EPHA5: variants seen among roughly 807,000 people sequenced by gnomAD.
EPHA5 encodes the protein EPH receptor A5, also known as ephrin type-A receptor 5.
Under a neutral mutation model 105.0 loss-of-function variants are expected in EPHA5, and 60 were observed. That is an observed-to-expected ratio of 0.57 (90% CI 0.46 to 0.71). EPHA5 has a LOEUF of 0.71. EPHA5 is among the 30% of genes least tolerant of loss of function. EPHA5 has a pLI of 0.00. For missense variants in EPHA5, 1,218 were observed against 1,274.7 expected, an observed-to-expected ratio of 0.96 and a Z score of 0.68; for synonymous variants, 513 against 449.1, an observed-to-expected ratio of 1.14 and a Z score of -1.80.
chr4:65,548,940 G>T (rs921485921), intron 3 of EPHA5, among the ~76,000 whole-genome samples: 1 of 152,170 alleles, frequency 6.6e-6, no homozygotes, highest in East Asian at 1.9e-4. Context: ...TAGCGCTAAT[G>T]CTGTAAAAAA....
intron 3 of EPHA5, among the ~76,000 whole-genome samples, chr4:65,589,152 G>A (rs1172343512): frequency 6.6e-6 from 1 of 152,020 alleles, no homozygotes; most frequent in Non-Finnish European, 1.5e-5. Flanking sequence ...TGTACTGAGA[G>A]CAATAACCAC....
intron 5 of EPHA5, among the ~76,000 whole-genome samples, chr4:65,462,791 A>G (rs1005127309): frequency 6.6e-6 from 1 of 152,188 alleles, no homozygotes; most frequent in Admixed American, 6.5e-5. Context: ...GGCCAGCCCA[A>G]ATTCAGGGTT....
At chr4:65,653,813 G>T (rs1748823243) in intron 1 of EPHA5, among the ~76,000 whole-genome samples, 1 of 152,052 alleles carries the variant, frequency 6.6e-6, no homozygotes, top group South Asian at 2.1e-4. Flanking sequence ...GGCAGACGTT[G>T]TTTTATGCTT....
chr4:65,464,389 A>G (rs1346577777), intron 5 of EPHA5, among the ~76,000 whole-genome samples: 1 of 152,084 alleles, frequency 6.6e-6, no homozygotes, highest in Non-Finnish European at 1.5e-5. Context: ...CAGGAGATTG[A>G]TAAGGCAACA....
chr4:65,478,980 T>G (rs1730096778), intron 5 of EPHA5, among the ~76,000 whole-genome samples: 1 of 152,172 alleles, frequency 6.6e-6, no homozygotes, highest in Non-Finnish European at 1.5e-5. Context: ...TACACATTAT[T>G]TTTTGCTTTT....
chr4:65,591,495 CATACTCATTTCTCAGA>C, intron 3 of EPHA5, among the ~76,000 whole-genome samples: 1 of 152,004 alleles, frequency 6.6e-6, no homozygotes, highest in South Asian at 2.1e-4. Context: ...ATCTTTATTT[CATACTCATTTCTCAGA>C]ATTAGTTTTG....
intron 5 of EPHA5, among the ~76,000 whole-genome samples, chr4:65,481,345 A>G (rs1730345442): frequency 1.3e-5 from 2 of 152,184 alleles, no homozygotes; most frequent in African/African-American, 4.8e-5. Flanking sequence ...TTGCCTTTTG[A>G]GAAAATGAGA....
chr4:65,528,960 A>G (rs1185002440), intron 3 of EPHA5, among the ~76,000 whole-genome samples: 1 of 152,186 alleles, frequency 6.6e-6, no homozygotes, highest in Non-Finnish European at 1.5e-5. Flanking sequence ...AATGTCAGTG[A>G]TAAACAGCTA....
intron 8 of EPHA5, among the ~76,000 whole-genome samples, chr4:65,379,655 C>A (rs960514105): frequency 6.6e-6 from 1 of 151,448 alleles, no homozygotes; most frequent in African/African-American, 2.4e-5. Context: ...TTATCATAAT[C>A]GATGTGACAG....
intron 3 of EPHA5, among the ~76,000 whole-genome samples, chr4:65,582,406 C>T (rs1741713760): frequency 6.6e-6 from 1 of 150,500 alleles, no homozygotes; most frequent in Non-Finnish European, 1.5e-5. Context: ...CATAAAATAT[C>T]TTGTTTTCCT....
At chr4:65,441,644 A>T (rs1016102796) in intron 5 of EPHA5, among the ~76,000 whole-genome samples, 1 of 152,142 alleles carries the variant, frequency 6.6e-6, no homozygotes, top group Non-Finnish European at 1.5e-5. Flanking sequence ...ATTCTATGGA[A>T]TGCACTACAA....
At chr4:65,499,715 C>T (rs1457797885) in intron 3 of EPHA5, among the ~76,000 whole-genome samples, 1 of 151,556 alleles carries the variant, frequency 6.6e-6, no homozygotes, top group Admixed American at 6.6e-5. Context: ...TACTCATTGT[C>T]TCCATCCATC....
At chr4:65,380,388 T>C (rs2148928197) in intron 8 of EPHA5, among the ~76,000 whole-genome samples, 1 of 151,906 alleles carries the variant, frequency 6.6e-6, no homozygotes, top group Admixed American at 6.6e-5. Context: ...AGTCAGCTCT[T>C]ACACAGAGTT....
intron 5 of EPHA5, among the ~76,000 whole-genome samples, chr4:65,463,093 G>T (rs1358033853): frequency 6.6e-6 from 1 of 152,132 alleles, no homozygotes; most frequent in African/African-American, 2.4e-5. Context: ...ATAAGTATTG[G>T]TCTATATTAA....
At chr4:65,525,587 C>T (rs994225060) in intron 3 of EPHA5, among the ~76,000 whole-genome samples, 6 of 151,828 alleles carry the variant, frequency 4.0e-5, no homozygotes, top group Non-Finnish European at 5.9e-5. Context: ...TTACTAGACT[C>T]AAAAGAGCAG....
At chr4:65,584,900 G>GT (rs1432289240) in intron 3 of EPHA5, among the ~76,000 whole-genome samples, 1 of 151,712 alleles carries the variant, frequency 6.6e-6, no homozygotes, top group Non-Finnish European at 1.5e-5. Context: ...CTTTTTAACT[G>GT]TTTTTTAAAT....
At chr4:65,609,211 A>C (rs1293277076) in intron 2 of EPHA5, among the ~76,000 whole-genome samples, 1 of 152,222 alleles carries the variant, frequency 6.6e-6, no homozygotes, top group Non-Finnish European at 1.5e-5. Context: ...ATTCTTTAGA[A>C]AATAAATATG....
intron 3 of EPHA5, among the ~76,000 whole-genome samples, chr4:65,552,294 A>G (rs561755000): frequency 3.3e-5 from 5 of 152,316 alleles, no homozygotes; most frequent in African/African-American, 9.6e-5. Context: ...TAGCAACTGT[A>G]AAATTGTTAA....
chr4:65,531,525 A>C (rs56126624), intron 3 of EPHA5, among the ~76,000 whole-genome samples: 15 of 146,160 alleles, frequency 1.0e-4, no homozygotes, highest in African/African-American at 3.7e-4. Flanking sequence ...ATGTCTTTGC[A>C]GAATGACCAT....
Sources: gnomAD v4.1 joint callset for allele counts (sites outside exome capture counted in the v4.1 genomes callset) on GRCh38, gnomAD v4.1.1 for gene constraint, MANE v1.5 for transcripts, NCBI Gene and HGNC (gene_info 2026-07-23, HGNC 2026-07-21) for gene names.